The following CHIC1 variants were observed in gnomAD, a reference collection of about 807,000 sequenced individuals.
The protein encoded by CHIC1 is cysteine rich hydrophobic domain 1.
A neutral mutation model predicts 18.5 loss-of-function variants in CHIC1; 7 were observed. That is an observed-to-expected ratio of 0.38 (90% CI 0.22 to 0.71). The LOEUF (loss-of-function observed/expected upper bound fraction) is 0.71. Among genes scored for constraint, CHIC1 ranks in the 30% least tolerant of loss-of-function variants. The pLI, the probability that CHIC1 is intolerant of heterozygous loss-of-function variation, is 0.49. For synonymous variants in CHIC1, 77 were observed against 73.5 expected, an observed-to-expected ratio of 1.05 and a Z score of -0.25; for missense variants, 159 against 176.9, an observed-to-expected ratio of 0.90 and a Z score of 0.57.
intron 2 of CHIC1, among the ~76,000 whole-genome samples, chrX:73,582,845 T>A (rs1603340460): frequency 9.0e-6 from 1 of 111,171 alleles, no homozygotes; most frequent in Non-Finnish European, 1.9e-5. Context: ...TCATAGCTAA[T>A]AAGTAACTAT....
At chrX:73,586,668 T>A (rs952675973) in intron 3 of CHIC1, among the ~76,000 whole-genome samples, 1 of 111,562 alleles carries the variant, frequency 9.0e-6, no homozygotes, top group African/African-American at 3.2e-5. Context: ...AGTGACTTTC[T>A]CAGAATCACA....
rs753692105 is a variant in CHIC1 at position 73,631,428 on chromosome X, A to C, written c.507+46856A>C. ...GATCACCTGAGGTTGGGTGTTCGAGACCAGCCTGGCCAACCTGTTTAAACC... is the reference window on the plus strand; with the variant it reads ...GATCACCTGAGGTTGGGTGTTCGAGCCCAGCCTGGCCAACCTGTTTAAACC... On this transcript the variant is annotated intron_variant, in intron 3 of 5. Coordinates refer to ENST00000373502, the MANE Select transcript of CHIC1 (RefSeq NM_001039840.4). 2.0e-4 allele frequency among the ~76,000 whole-genome samples: 22 copies of C among 109,731 alleles called. No individual in the cohort carries two copies. In the South Asian group the frequency reaches 7.9e-3, roughly 40 times the overall value.
intron 3 of CHIC1, among the ~76,000 whole-genome samples, chrX:73,641,838 G>C (rs2057858324): frequency 9.0e-6 from 1 of 111,366 alleles, no homozygotes; most frequent in Admixed American, 9.5e-5. Flanking sequence ...TCCCTACAAA[G>C]GACATGAACT....
chrX:73,639,518 A>C (rs1170923659), intron 3 of CHIC1, among the ~76,000 whole-genome samples: 2 of 112,013 alleles, frequency 1.8e-5, no homozygotes, highest in Non-Finnish European at 3.8e-5. Flanking sequence ...CTTTAGTTTA[A>C]TTAGGTTCAA....
At chrX:73,613,900 G>T (rs1328184985) in intron 3 of CHIC1, among the ~76,000 whole-genome samples, 1 of 108,247 alleles carries the variant, frequency 9.2e-6, no homozygotes, top group Non-Finnish European at 1.9e-5. Context: ...GTGCTTTGCT[G>T]GTTTTCTATA....
intron 3 of CHIC1, among the ~76,000 whole-genome samples, chrX:73,628,992 T>C (rs1475957191): frequency 2.7e-5 from 3 of 111,405 alleles, no homozygotes; most frequent in Non-Finnish European, 5.7e-5. Context: ...CCCACACTTG[T>C]TATCTTTTTT....
intron 1 of CHIC1, among the ~76,000 whole-genome samples, chrX:73,570,643 A>G (rs991774213): frequency 9.9e-5 from 11 of 111,512 alleles, no homozygotes; most frequent in African/African-American, 3.2e-4. Flanking sequence ...TTTTCAGTAT[A>G]CAATTAAAGA....
chrX:73,680,827 CACTT>C, intron 5 of CHIC1, 124 bp from the exon 6 acceptor site: 2 of 330,924 alleles, frequency 6.0e-6, no homozygotes, highest in Non-Finnish European at 1.0e-5. Flanking sequence ...TCATGTATTT[CACTT>C]ACTTTATATG....
At chrX:73,602,432 T>C (rs768164214) in intron 3 of CHIC1, among the ~76,000 whole-genome samples, 4 of 109,024 alleles carry the variant, frequency 3.7e-5, no homozygotes, top group South Asian at 7.5e-4. Context: ...TTCAGATGGA[T>C]AGATTGCAAA....
chrX:73,674,584 C>G (rs752851272), intron 3 of CHIC1, among the ~76,000 whole-genome samples: 13 of 111,772 alleles, frequency 1.2e-4, no homozygotes, highest in African/African-American at 3.9e-4. Context: ...GTGATATCCC[C>G]TTTATCATTT....
intron 2 of CHIC1, among the ~76,000 whole-genome samples, chrX:73,581,376 C>T (rs1315687490): frequency 1.8e-5 from 2 of 111,003 alleles, no homozygotes; most frequent in East Asian, 5.7e-4. Flanking sequence ...TTACAACCTA[C>T]TGTTCAGCTA....
At chrX:73,567,859 A>C (rs949936757) in intron 1 of CHIC1, among the ~76,000 whole-genome samples, 2 of 108,860 alleles carry the variant, frequency 1.8e-5, no homozygotes, top group Non-Finnish European at 3.8e-5. Context: ...TAGAATGCTA[A>C]TATTCACCTC....
intron 3 of CHIC1, among the ~76,000 whole-genome samples, chrX:73,618,945 T>C (rs781024441): frequency 8.9e-6 from 1 of 112,323 alleles, no homozygotes; most frequent in South Asian, 3.7e-4. Flanking sequence ...AATGGCTTCT[T>C]TGGGGGCCAA....
intron 5 of CHIC1, 22 bp from the exon 6 acceptor site, chrX:73,680,933 T>A (rs2058095972): frequency 5.9e-6 from 5 of 848,000 alleles, no homozygotes; most frequent in Non-Finnish European, 8.4e-6. Flanking sequence ...TTTGTAAATA[T>A]ATTCTTGTTT....
intron 3 of CHIC1, among the ~76,000 whole-genome samples, chrX:73,603,994 G>A (rs1298575520): frequency 9.2e-6 from 1 of 108,688 alleles, no homozygotes; most frequent in African/African-American, 3.6e-5. Context: ...GCCAGGTTTT[G>A]GTAACAGGAT....
At chrX:73,629,384 A>T (rs959061747) in intron 3 of CHIC1, among the ~76,000 whole-genome samples, 1 of 111,694 alleles carries the variant, frequency 9.0e-6, no homozygotes, top group African/African-American at 3.3e-5. Context: ...CATTGTCAAT[A>T]GCAATGTTAG....
chrX:73,657,022 T>A (rs189314357), intron 3 of CHIC1, among the ~76,000 whole-genome samples: 1 of 108,937 alleles, frequency 9.2e-6, no homozygotes, highest in Admixed American at 9.9e-5. Context: ...TTACTTCCCT[T>A]GTAGGCTATA....
At chrX:73,649,903 C>T (rs2057907496) in intron 3 of CHIC1, among the ~76,000 whole-genome samples, 1 of 112,769 alleles carries the variant, frequency 8.9e-6, no homozygotes, top group African/African-American at 3.2e-5. Context: ...CTCAGTGCCA[C>T]ATGGCACTTA....
chrX:73,615,965 T>C (rs749223745), intron 3 of CHIC1, among the ~76,000 whole-genome samples: 1 of 110,997 alleles, frequency 9.0e-6, no homozygotes, highest in African/African-American at 3.3e-5. Context: ...GCAGTGGGGT[T>C]GTTACCAATG....
Sources: gnomAD v4.1 joint callset for allele counts (sites outside exome capture counted in the v4.1 genomes callset) on GRCh38, gnomAD v4.1.1 for gene constraint, MANE v1.5 for transcripts, NCBI Gene and HGNC (gene_info 2026-07-23, HGNC 2026-07-21) for gene names.